Variants in CEP120 observed in about 807,000 individuals in gnomAD.
The protein encoded by CEP120 is centrosomal protein of 120 kDa.
A neutral mutation model predicts 126.5 loss-of-function variants in CEP120; 113 were observed. The ratio of observed to expected loss-of-function variants is 0.89; its 90% confidence interval spans 0.77 to 1.04. The LOEUF (loss-of-function observed/expected upper bound fraction) is 1.04, where lower values mean the gene tolerates loss of function less well. Among genes scored for constraint, CEP120 ranks in the 50% least tolerant of loss-of-function variants. The pLI is 0.00. For missense variants in CEP120, 1,230 were observed against 1,155.7 expected (o/e 1.06, Z -0.93); for synonymous variants, 400 against 394.3 (o/e 1.01, Z -0.17).
intron 1 of CEP120, chr5:123,422,450 A>G: frequency 6.9e-7 from 1 of 1,457,958 alleles, no homozygotes. Flanking sequence ...AACCAATGTC[A>G]TTCATCCAAA....
intron 18 of CEP120, among the ~76,000 whole-genome samples, chr5:123,356,038 C>A (rs1250192701): frequency 1.3e-5 from 2 of 152,112 alleles, no homozygotes; most frequent in African/African-American, 4.8e-5. Flanking sequence ...ATAGGGAATC[C>A]TTTCCCCATT....
rs963767744 is a variant in CEP120 at position 123,350,051 on chromosome 5, C to G, written c.2619G>C (p.Gln873His). 3.1e-6 allele frequency: 5 copies of G among 1,613,104 alleles called. No individual in the cohort carries two copies. The highest frequency in any genetic ancestry group is 4.2e-6 in the Non-Finnish European group (5 of 1,179,724). Residue 873 changes from glutamine to histidine, a missense_variant, in exon 19 of 20, where the codon CAG (glutamine) becomes CAC (histidine). Coordinates refer to ENST00000306467, the MANE Select transcript of CEP120 (RefSeq NM_001375405.1). ...QESQMARLKK[Q>H]QEELEQMRLR... ...GTCTCATCTGTTCCAATTCTTCCTG[C>G]TGTTTTTTAAGACGAGCCATTTGAC...
intron 1 of CEP120, among the ~76,000 whole-genome samples, chr5:123,419,972 A>C (rs977833272): frequency 1.3e-5 from 2 of 152,200 alleles, no homozygotes; most frequent in Non-Finnish European, 2.9e-5. Context: ...ATTAATGAAG[A>C]AATCCCTGCT....
chr5:123,368,874 A>ATT (rs1770656783), intron 17 of CEP120, among the ~76,000 whole-genome samples: 1 of 152,014 alleles, frequency 6.6e-6, no homozygotes, highest in Non-Finnish European at 1.5e-5. Flanking sequence ...CAGACACTAA[A>ATT]GAGATTTGTA....
intron 18 of CEP120, among the ~76,000 whole-genome samples, chr5:123,356,595 T>C (rs893588804): frequency 6.3e-5 from 9 of 142,804 alleles, no homozygotes; most frequent in African/African-American, 2.3e-4. Context: ...CCTTCTTCTC[T>C]CTCCTTTTAA....
chr5:123,359,815 TA>T (rs920797841), intron 18 of CEP120, among the ~76,000 whole-genome samples: 2 of 152,048 alleles, frequency 1.3e-5, no homozygotes, highest in African/African-American at 4.8e-5. Flanking sequence ...AATTAGGTTA[TA>T]TTTTTAATTC....
chr5:123,402,241 A>G (rs1411068173), intron 4 of CEP120: 1 of 1,505,510 alleles, frequency 6.6e-7, no homozygotes, highest in Non-Finnish European at 9.1e-7. Context: ...AAGCTTGAGG[A>G]GCTGATGTGG....
At chr5:123,400,767 C>A (rs1344736639) in intron 4 of CEP120, among the ~76,000 whole-genome samples, 1 of 150,836 alleles carries the variant, frequency 6.6e-6, no homozygotes, top group East Asian at 2.0e-4. Flanking sequence ...AGGGGGGGTC[C>A]CCAGGCAGTA....
chr5:123,361,298 T>A (rs1770061348), intron 18 of CEP120, among the ~76,000 whole-genome samples: 1 of 151,738 alleles, frequency 6.6e-6, no homozygotes, highest in South Asian at 2.1e-4. Context: ...CCCCCAGTGG[T>A]CCCTTTGTTT....
intron 18 of CEP120, 49 bp from the exon 19 acceptor site, chr5:123,350,138 T>C: frequency 6.7e-7 from 1 of 1,498,976 alleles, no homozygotes; most frequent in African/African-American, 1.4e-5. Context: ...TAGGAACAAA[T>C]ATTTTATATG....
chr5:123,364,417 A>C, intron 18 of CEP120, 79 bp downstream of exon 18: 1 of 838,604 alleles, frequency 1.2e-6, no homozygotes, highest in South Asian at 1.8e-5. Context: ...ATCAGAGCAT[A>C]ACAGATATTG....
chr5:123,421,974 C>T (rs771302962), intron 1 of CEP120, among the ~76,000 whole-genome samples: 5 of 152,156 alleles, frequency 3.3e-5, no homozygotes, highest in Admixed American at 1.3e-4. Context: ...GGAAAAAATG[C>T]AGCCAGGCTT....
chr5:123,404,082 G>C (rs1248170821), intron 4 of CEP120, among the ~76,000 whole-genome samples: 1 of 152,198 alleles, frequency 6.6e-6, no homozygotes, highest in Non-Finnish European at 1.5e-5. Context: ...ATATGAAGGA[G>C]AATGCTCTAA....
In CEP120 at chr5:123,391,346, A is replaced by G; in HGVS notation, c.811-9T>C. 1.3e-6 allele frequency: 2 copies of G among 1,594,182 alleles called. No homozygotes were observed. The highest frequency in any genetic ancestry group is 1.7e-6 in the Non-Finnish European group (2 of 1,162,986). On this transcript the variant is annotated splice_polypyrimidine_tract_variant and intron_variant, in intron 6 of 19. Transcript: ENST00000306467. ...CCACAGCAGAGGTGAATCTAATATG[A>G]AAGGGAAAAATCAAAATAGGGCTTT...
intron 3 of CEP120, among the ~76,000 whole-genome samples, chr5:123,414,164 A>G (rs1445646855): frequency 6.6e-6 from 1 of 152,178 alleles, no homozygotes; most frequent in Non-Finnish European, 1.5e-5. Context: ...TACCCCCCTA[A>G]GAGGATTTAC....
chr5:123,368,147 A>T (rs891961792), intron 17 of CEP120, among the ~76,000 whole-genome samples: 1 of 151,958 alleles, frequency 6.6e-6, no homozygotes, highest in African/African-American at 2.4e-5. Flanking sequence ...TTCTGATAAA[A>T]GCATAGTTGG....
intron 4 of CEP120, among the ~76,000 whole-genome samples, chr5:123,406,018 T>TA (rs979484333): frequency 7.9e-5 from 12 of 151,736 alleles, no homozygotes; most frequent in Non-Finnish European, 1.6e-4. Flanking sequence ...TAAGAAAGAA[T>TA]AAAAAAGAAA....
At position 123,349,975 on chromosome 5, in the gene CEP120, C is replaced by T. The variant is rs1166755572; in HGVS notation, c.2695G>A (p.Glu899Lys). ...EKDTVKTERQ[E>K]LLDIRNELNR... ...AATTCATTTCTTATATCCAACAATTCTTGTCGCTCGGTTTTTACTGTATCT... is the reference window on the plus strand; with the variant it reads ...AATTCATTTCTTATATCCAACAATTTTTGTCGCTCGGTTTTTACTGTATCT... Residue 899 changes from glutamate (E) to lysine (K), a missense_variant, in exon 19 of 20, where the codon GAA (glutamate) becomes AAA (lysine). By Grantham distance (56) the Glu-to-Lys change is moderately conservative. Transcript: ENST00000306467. The T allele has an allele frequency of 6.2e-7, 1 of 1,613,580 alleles. No homozygotes were observed. The highest frequency in any genetic ancestry group is 8.5e-7 in the Non-Finnish European group (1 of 1,179,858).
At position 123,382,098 on chromosome 5, in the gene CEP120, C is replaced by T. The variant is rs1465181301; in HGVS notation, c.2103+13G>A. ...TTCTTCCTTCTCTTCCTCACTTTTA[C>T]ACAAGTTATTACCTTTTTCTTTACT... On this transcript the variant is annotated intron_variant, in intron 14 of 19. Transcript: ENST00000306467. 4 of 1,536,694 alleles carry T rather than the reference C, an allele frequency of 2.6e-6. No homozygotes were observed. In the Admixed American group the frequency reaches 6.9e-5, roughly 27 times the overall value.
Sources: allele counts gnomAD v4.1 joint callset (sites outside exome capture counted in the v4.1 genomes callset), GRCh38; gene constraint gnomAD v4.1.1; transcripts MANE v1.5; gene names NCBI Gene and HGNC (gene_info 2026-07-23, HGNC 2026-07-21).